Variants in GSG1L2 observed in about 807,000 individuals in gnomAD.
GSG1L2 encodes GSG1 like 2, also known as germ cell-specific gene 1-like protein 2.
Under a neutral mutation model 9.0 loss-of-function variants are expected in GSG1L2, and 15 were observed. The observed-to-expected ratio is 1.67, with a 90% confidence interval of 1.12 to 2.57. The LOEUF (loss-of-function observed/expected upper bound fraction) is 2.57, where lower values mean the gene tolerates loss of function less well. Among genes scored for constraint, GSG1L2 ranks in the 30% most tolerant of loss-of-function variants. The pLI, the probability that GSG1L2 is intolerant of heterozygous loss-of-function variation, is 0.00. For missense variants in GSG1L2, 286 were observed against 150.3 expected, an observed-to-expected ratio of 1.90 and a Z score of -4.72; for synonymous variants, 127 against 57.9, an observed-to-expected ratio of 2.19 and a Z score of -5.41.
At chr17:9,810,777 T>A in intron 1 of GSG1L2, 159 bp from the exon 2 acceptor site, 1 of 623,784 alleles carries the variant, frequency 1.6e-6, no homozygotes, top group East Asian at 2.7e-5. Context: ...GAGCCTGATA[T>A]AATCCACCCT....
chr17:9,816,658 T>C, intron 1 of GSG1L2, among the ~76,000 whole-genome samples: 1 of 106,868 alleles, frequency 9.4e-6, no homozygotes, highest in Admixed American at 1.1e-4. Flanking sequence ...TGTGTGTCTG[T>C]GTGTGCGTGT....
rs1283789836 is a variant in GSG1L2, at chr17:9,801,481, G to C, written c.*905C>G. Reference sequence around the variant, plus strand: ...TCTGTCTACCTCGGCCTCACAAAGTGCTGGGATTACAGGCGTGAGCCACTA... The same window carrying C: ...TCTGTCTACCTCGGCCTCACAAAGTCCTGGGATTACAGGCGTGAGCCACTA... On this transcript the variant is annotated 3_prime_UTR_variant, in exon 5 of 5. Transcript: ENST00000399363. Among the ~76,000 whole-genome samples the C allele has an allele frequency of 1.3e-5, 2 of 152,016 alleles. No individual in the cohort carries two copies. Among genetic ancestry groups the C allele is most frequent in the Non-Finnish European group, 2.9e-5 (2 of 68,016 alleles).
intron 1 of GSG1L2, among the ~76,000 whole-genome samples, chr17:9,817,254 CT>C (rs1271860300): frequency 6.6e-6 from 1 of 152,192 alleles, no homozygotes; most frequent in Non-Finnish European, 1.5e-5. Flanking sequence ...CAGTTCCACA[CT>C]TTCCTCAAGC....
intron 1 of GSG1L2, among the ~76,000 whole-genome samples, chr17:9,814,852 G>C (rs932919703): frequency 6.6e-6 from 1 of 152,268 alleles, no homozygotes; most frequent in Middle Eastern, 3.4e-3. Flanking sequence ...TGGGGTGCCT[G>C]TGTCCCTCTG....
intron 4 of GSG1L2, among the ~76,000 whole-genome samples, chr17:9,806,246 A>G (rs1183179452): frequency 6.6e-6 from 1 of 152,170 alleles, no homozygotes; most frequent in African/African-American, 2.4e-5. Context: ...TCTTATCTTC[A>G]GGCAGGCTTT....
chr17:9,817,714 C>T (rs954845352), intron 1 of GSG1L2, among the ~76,000 whole-genome samples: 1 of 152,090 alleles, frequency 6.6e-6, no homozygotes, highest in African/African-American at 2.4e-5. Context: ...TGTGAGCCAC[C>T]ATACCTGGCC....
At chr17:9,804,931 G>A (rs1014389973) in intron 4 of GSG1L2, 2 of 152,274 alleles carry the variant, frequency 1.3e-5, no homozygotes, top group African/African-American at 4.8e-5. Flanking sequence ...AGAAGATGCT[G>A]TATCAATAAA....
intron 3 of GSG1L2, among the ~76,000 whole-genome samples, chr17:9,808,576 A>G (rs557863619): frequency 2.6e-4 from 40 of 152,128 alleles, no homozygotes; most frequent in Non-Finnish European, 5.1e-4. Context: ...GAGCCAGGGC[A>G]CCCTCTTCCC....
chr17:9,807,676 T>C, intron 3 of GSG1L2, 75 bp from the exon 4 acceptor site: 3 of 698,320 alleles, frequency 4.3e-6, no homozygotes, highest in Non-Finnish European at 7.8e-6. Flanking sequence ...GTGAGTTGGC[T>C]GTAAGGAGCT....
intron 2 of GSG1L2, chr17:9,809,324 C>G (rs1277598042): frequency 3.5e-5 from 12 of 346,708 alleles, no homozygotes; most frequent in Non-Finnish European, 6.6e-5. Flanking sequence ...CCGGTGGGTT[C>G]ATGGTCTGGC....
chr17:9,821,812 C>A lies in GSG1L2; in HGVS notation c.260G>T (p.Gly87Val). The change falls in exon 1 of 5, where the codon GGG becomes GTG. Residue 87 changes from glycine (G) to valine (V), a missense_variant. Transcript: ENST00000399363. ...ELGDDKFIQR[G>V]FHVGLWQSCE... ...GGACTGCCAGAGCCCCACATGGAAC[C>A]CCCGCTGAATGAACTTGTCATCACC... 1.4e-6 allele frequency: 1 copy of A among 703,582 alleles called. No individual in the cohort carries two copies. The highest frequency in any genetic ancestry group is 1.5e-5 in the South Asian group (1 of 67,608). 43.6% of individuals were successfully genotyped at this position (703,582 alleles called of 1,614,324 possible).
At chr17:9,804,727 T>C (rs2066510784) in intron 4 of GSG1L2, 1 of 152,080 alleles carries the variant, frequency 6.6e-6, no homozygotes, top group South Asian at 2.1e-4. Flanking sequence ...AGCCTACCAG[T>C]AGATAAATAC....
chr17:9,807,990 GAGAC>G, intron 3 of GSG1L2: 1 of 181,690 alleles, frequency 5.5e-6, no homozygotes, highest in African/African-American at 2.3e-5. Flanking sequence ...TCAGGGGTTT[GAGAC>G]CACTCTGGGG....
intron 3 of GSG1L2, among the ~76,000 whole-genome samples, chr17:9,808,183 CCA>C (rs903216421): frequency 2.6e-4 from 40 of 152,038 alleles, no homozygotes; most frequent in African/African-American, 9.2e-4. Context: ...CTTTTCATAT[CCA>C]GTTTGAGGAC....
In GSG1L2 at chr17:9,801,572, A is replaced by G. The variant is rs902120685; in HGVS notation, c.*814T>C. ...TGGAACAACCTGTGGCCTGAATAAC[A>G]TGGTAGCTGGACATGGGATGAATTG... On this transcript the variant is annotated 3_prime_UTR_variant, in exon 5 of 5. Transcript: ENST00000399363. 6.6e-5 allele frequency among the ~76,000 whole-genome samples: 10 copies of G among 152,160 alleles called. No homozygotes were observed. Among genetic ancestry groups the G allele is most frequent in the African/African-American group, 2.2e-4 (9 of 41,434 alleles).
chr17:9,810,441 G>A (rs2066534721), intron 2 of GSG1L2, 130 bp downstream of exon 2: 1 of 643,724 alleles, frequency 1.6e-6, no homozygotes, highest in African/African-American at 1.8e-5. Context: ...TGTGGTTCTA[G>A]CTTTTGGGCT....
chr17:9,802,682 C>T (rs1227172851), intron 4 of GSG1L2, 38 bp from the exon 5 acceptor site: 7 of 693,376 alleles, frequency 1.0e-5, no homozygotes, highest in Non-Finnish European at 1.3e-5. Flanking sequence ...GGGCTGAGGG[C>T]TGTGATTCCA....
chr17:9,807,474 T>C lies in GSG1L2; in HGVS notation c.623+16A>G. 1 of 702,780 alleles carries C rather than the reference T, an allele frequency of 1.4e-6. No individual in the cohort carries two copies. Among genetic ancestry groups the C allele is most frequent in the Non-Finnish European group, 2.6e-6 (1 of 384,816 alleles). 43.5% of individuals were successfully genotyped at this position (702,780 alleles called of 1,614,324 possible). A position where few individuals can be genotyped will look rare whatever the true frequency, so the allele number is the denominator to read the frequency against. On this transcript the variant is annotated intron_variant, in intron 4 of 4. Transcript: ENST00000399363. Reference sequence around the variant, plus strand: ...CTGATCCTCCAGGACTTCAGCACCATGACCAAGCAACTTACCAATATGACC... The same window carrying C: ...CTGATCCTCCAGGACTTCAGCACCACGACCAAGCAACTTACCAATATGACC...
intron 1 of GSG1L2, among the ~76,000 whole-genome samples, chr17:9,819,446 C>T (rs1459051456): frequency 6.6e-6 from 1 of 152,114 alleles, no homozygotes; most frequent in Non-Finnish European, 1.5e-5. Context: ...GCTATGTAAC[C>T]ATAGTTTTTG....
Sources: allele counts gnomAD v4.1 joint callset (sites outside exome capture counted in the v4.1 genomes callset), GRCh38; gene constraint gnomAD v4.1.1; transcripts MANE v1.5; gene names NCBI Gene and HGNC (gene_info 2026-07-23, HGNC 2026-07-21).